Variants in TUNAR observed in about 807,000 individuals in gnomAD.
TUNAR encodes transmembrane neural differentiation associated intracellular calcium regulator, also known as protein TUNAR.
At chr14:95,882,991 A>G (rs1889005602) in intron 2 of TUNAR, among the ~76,000 whole-genome samples, 1 of 152,208 alleles carries the variant, frequency 6.6e-6, no homozygotes, top group Non-Finnish European at 1.5e-5. Flanking sequence ...AGAGGGCTTT[A>G]TTGAATACTT....
Position 95,895,729 on chromosome 14 carries a change from G to A in TUNAR, c.12+18552G>A, listed in dbSNP as rs1294799303. 2 of 152,238 alleles carry A rather than the reference G, an allele frequency of 1.3e-5. No homozygotes were observed. Among genetic ancestry groups the A allele is most frequent in the Non-Finnish European group, 2.9e-5 (2 of 68,138 alleles). The allele number at this position is 152,238 out of a possible 1,614,324, so 9.4% of individuals were successfully genotyped here. A position where few individuals can be genotyped will look rare whatever the true frequency, so the allele number is the denominator to read the frequency against. ...CACCAGACCTTGGGAAGGTGTTTCC[G>A]GCCCATTTTTTTCTTGCTTTGAACC... On this transcript the variant is annotated intron_variant, in intron 2 of 2. Transcript: ENST00000678517. This position sits in a 1 kb window ranked among gnomAD's most constrained non-coding sequence, Gnocchi z 4.5.
chr14:95,883,454 C>T (rs1889014598), intron 2 of TUNAR, among the ~76,000 whole-genome samples: 2 of 152,320 alleles, frequency 1.3e-5, no homozygotes, highest in Admixed American at 6.5e-5. Context: ...AACAGTTTAA[C>T]AAACAGTTAT....
At chr14:95,883,146 T>G (rs1889008848) in intron 2 of TUNAR, among the ~76,000 whole-genome samples, 1 of 151,690 alleles carries the variant, frequency 6.6e-6, no homozygotes, top group South Asian at 2.1e-4. Context: ...AAAGGAGGAG[T>G]GGAAAAATAC....
intron 2 of TUNAR, among the ~76,000 whole-genome samples, chr14:95,900,971 A>G (rs957084434): frequency 1.3e-5 from 2 of 152,130 alleles, no homozygotes; most frequent in Admixed American, 1.3e-4. Flanking sequence ...TTTTTTGTTT[A>G]GTTGGCTAGT....
At chr14:95,894,882 C>G (rs1224312942) in intron 2 of TUNAR, among the ~76,000 whole-genome samples, 1 of 152,326 alleles carries the variant, frequency 6.6e-6, no homozygotes, top group African/African-American at 2.4e-5. Context: ...ACCTCCTGTC[C>G]TCAGCCACAG....
chr14:95,909,386 C>T (rs973363067), intron 2 of TUNAR, among the ~76,000 whole-genome samples: 3 of 150,002 alleles, frequency 2.0e-5, no homozygotes, highest in Non-Finnish European at 3.0e-5. Context: ...CGGGTTCAAG[C>T]GATTTTCCTG....
intron 2 of TUNAR, among the ~76,000 whole-genome samples, chr14:95,897,732 T>C (rs1025674886): frequency 6.6e-6 from 1 of 152,222 alleles, no homozygotes; most frequent in African/African-American, 2.4e-5. Flanking sequence ...GGAACAGACT[T>C]GAGTGGGTTC....
chr14:95,919,399 G>A (rs970044946), intron 2 of TUNAR, among the ~76,000 whole-genome samples: 3 of 152,330 alleles, frequency 2.0e-5, no homozygotes, highest in East Asian at 3.9e-4. Flanking sequence ...CAGTGTTTAC[G>A]GGGAAATGAA....
chr14:95,911,667 A>G (rs949308337), intron 2 of TUNAR, among the ~76,000 whole-genome samples: 23 of 152,214 alleles, frequency 1.5e-4, no homozygotes, highest in Admixed American at 1.3e-3. Flanking sequence ...AATGTTCTCA[A>G]GACGGAGAAA....
At chr14:95,902,219 C>A (rs1813092081) in intron 2 of TUNAR, among the ~76,000 whole-genome samples, 1 of 151,984 alleles carries the variant, frequency 6.6e-6, no homozygotes, top group Non-Finnish European at 1.5e-5. Context: ...TTTTTAACCC[C>A]TGTTAGTCTG....
rs141296643 is a variant in TUNAR at position 95,888,864 on chromosome 14, C to T, written c.12+11687C>T. 2.1e-3 allele frequency among the ~76,000 whole-genome samples: 322 copies of T among 152,228 alleles called. 2 individuals are homozygous for T. Among genetic ancestry groups the T allele is most frequent in the African/African-American group, 7.4e-3 (306 of 41,540 alleles). ...GGAGGAGTGCCGAAGGATGCCAGTA[C>T]GTTTGAAGCCACCACGGAGTGCTTA... On this transcript the variant is annotated intron_variant, in intron 2 of 2. Coordinates refer to ENST00000678517, the Ensembl canonical transcript of TUNAR.
chr14:95,879,591 A>G (rs1888944999), intron 2 of TUNAR, among the ~76,000 whole-genome samples: 1 of 152,058 alleles, frequency 6.6e-6, no homozygotes, highest in Admixed American at 6.5e-5. Context: ...CTTGTTACTG[A>G]TATTTATTTT....
At chr14:95,920,268 T>C (rs1006208544) in intron 2 of TUNAR, among the ~76,000 whole-genome samples, 10 of 151,990 alleles carry the variant, frequency 6.6e-5, no homozygotes, top group African/African-American at 2.4e-4. Flanking sequence ...GGGATAGTGA[T>C]TGGATGGGGC....
chr14:95,915,560 C>T (rs534653796), intron 2 of TUNAR, among the ~76,000 whole-genome samples: 4 of 151,714 alleles, frequency 2.6e-5, no homozygotes, highest in African/African-American at 7.2e-5. Context: ...AGAGGAAAAT[C>T]GAGACCAAAG....
chr14:95,894,992 T>G (rs997537543), intron 2 of TUNAR, among the ~76,000 whole-genome samples: 1 of 152,108 alleles, frequency 6.6e-6, no homozygotes, highest in African/African-American at 2.4e-5. Context: ...GCACCACCTC[T>G]CTCCTGACGA....
chr14:95,896,742 TTG>T lies in TUNAR; in HGVS notation c.12+19567_12+19568del, dbSNP rs1186303547. ...AAAGGTGGAAACATTTATTTTCCAT[TTG>T]TAAAAAATAACACTTTGTTATGTTG... On this transcript the variant is annotated intron_variant, in intron 2 of 2. Transcript: ENST00000678517. Among the ~76,000 whole-genome samples, 4 of 152,346 alleles carry T rather than the reference TTG, an allele frequency of 2.6e-5. No homozygotes were observed. In the East Asian group the frequency reaches 7.7e-4, roughly 29 times the overall value.
chr14:95,906,151 C>T (rs1477691647), intron 2 of TUNAR, among the ~76,000 whole-genome samples: 3 of 152,186 alleles, frequency 2.0e-5, no homozygotes, highest in South Asian at 2.1e-4. Flanking sequence ...CTCCAAGGAG[C>T]CCTGGTTCAT....
intron 2 of TUNAR, among the ~76,000 whole-genome samples, chr14:95,883,009 A>T (rs1157302322): frequency 6.6e-6 from 1 of 152,240 alleles, no homozygotes; most frequent in Admixed American, 6.5e-5. Flanking sequence ...CTTCTAAAAC[A>T]GTACGTCTAT....
At chr14:95,924,779 T>G (rs1011131953) in exon 3 of TUNAR, 14 of 152,272 alleles carry the variant, frequency 9.2e-5, no homozygotes, top group African/African-American at 3.4e-4. Context: ...GTATTCAAGA[T>G]GAGATTTGGG....
Sources: gnomAD v4.1 joint callset for allele counts (sites outside exome capture counted in the v4.1 genomes callset) on GRCh38, gnomAD v4.1.1 for gene constraint, Gnocchi (gnomAD v3.1) non-coding constraint, MANE v1.5 for transcripts, NCBI Gene and HGNC (gene_info 2026-07-23, HGNC 2026-07-21) for gene names.